The following PPP3CA variants were observed in gnomAD, a reference collection of about 807,000 sequenced individuals.
The protein encoded by PPP3CA is protein phosphatase 3 catalytic subunit alpha.
Under a neutral mutation model 66.5 loss-of-function variants are expected in PPP3CA, and 14 were observed. The ratio of observed to expected loss-of-function variants is 0.21; its 90% CI spans 0.14 to 0.33. The LOEUF (loss-of-function observed/expected upper bound fraction) is 0.33, where lower values mean the gene tolerates loss of function less well. Among genes scored for constraint, PPP3CA ranks in the 10% least tolerant of loss-of-function variants. The probability of loss-of-function intolerance (pLI) is 1.00; values close to 1 mark genes in which losing one functional copy is unlikely to be tolerated. For synonymous variants in PPP3CA, 232 were observed against 226.2 expected (o/e 1.03, Z -0.23); for missense variants, 317 against 639.5 (o/e 0.50, Z 5.44).
chr4:101,322,507 T>G (rs1729071774), intron 1 of PPP3CA, among the ~76,000 whole-genome samples: 1 of 149,498 alleles, frequency 6.7e-6, no homozygotes, highest in South Asian at 2.1e-4. Context: ...GCCTCCCGGG[T>G]TCAAGCGATT....
intron 2 of PPP3CA, among the ~76,000 whole-genome samples, chr4:101,113,145 T>C (rs1036173261): frequency 7.9e-5 from 12 of 152,122 alleles, no homozygotes; most frequent in African/African-American, 2.9e-4. Flanking sequence ...GTGCAGCAAG[T>C]CTGGGGTAGA....
At chr4:101,154,286 T>C (rs1242236073) in intron 2 of PPP3CA, among the ~76,000 whole-genome samples, 1 of 152,206 alleles carries the variant, frequency 6.6e-6, no homozygotes, top group African/African-American at 2.4e-5. Context: ...TCAGGTATTC[T>C]ACCAGTGAAT....
At position 101,118,956 on chromosome 4, in the gene PPP3CA, ATT is replaced by A. The variant is rs201507463; in HGVS notation, c.260-9880_260-9879del. 2.2e-3 allele frequency among the ~76,000 whole-genome samples: 286 copies of A among 129,900 alleles called. 1 individual carries two copies. The Middle Eastern group carries it at 0.032, about 15-fold the overall frequency. The allele number at this position is 129,900 out of a possible 152,430, so 85.2% of individuals were successfully genotyped here. A position where few individuals can be genotyped will look rare whatever the true frequency, so the allele number is the denominator to read the frequency against. ...CTATAAGGAGACTCAGAACTTACAG[ATT>A]TTTTTTTTTTTTTTTTTTTTTAAAC... On this transcript the variant is annotated intron_variant, in intron 2 of 13. Coordinates refer to ENST00000394854, the MANE Select transcript of PPP3CA (RefSeq NM_000944.5).
At chr4:101,078,130 A>C (rs147132940) in intron 8 of PPP3CA, among the ~76,000 whole-genome samples, 51 of 152,284 alleles carry the variant, frequency 3.3e-4, no homozygotes, top group African/African-American at 1.2e-3. Context: ...TCAGTTTAAT[A>C]GTAAAAAATC....
chr4:101,280,821 A>AAG (rs1727657687), intron 1 of PPP3CA, among the ~76,000 whole-genome samples: 1 of 149,028 alleles, frequency 6.7e-6, no homozygotes, highest in African/African-American at 2.4e-5. Flanking sequence ...CTCAGTCTCA[A>AAG]AAAAAAAAAA....
intron 1 of PPP3CA, among the ~76,000 whole-genome samples, chr4:101,336,056 C>T (rs559985786): frequency 6.6e-6 from 1 of 151,034 alleles, no homozygotes; most frequent in East Asian, 2.0e-4. Flanking sequence ...AATACACACA[C>T]ACACAAAAAT....
At chr4:101,240,028 T>G (rs1043835495) in intron 1 of PPP3CA, among the ~76,000 whole-genome samples, 3 of 137,100 alleles carry the variant, frequency 2.2e-5, no homozygotes, top group African/African-American at 8.6e-5. Flanking sequence ...TTAATTTTTT[T>G]GGTTTTTTTT....
At chr4:101,330,813 A>G (rs1328348233) in intron 1 of PPP3CA, among the ~76,000 whole-genome samples, 1 of 152,174 alleles carries the variant, frequency 6.6e-6, no homozygotes, top group Non-Finnish European at 1.5e-5. Context: ...CCTAGGGGAA[A>G]AACTTAAGGT....
chr4:101,278,122 T>TAAAAAAAAAAAAAAAAAAAAAAAAAAA (rs3077992), intron 1 of PPP3CA, among the ~76,000 whole-genome samples: 17 of 112,150 alleles, frequency 1.5e-4, no homozygotes, highest in African/African-American at 6.6e-4. Flanking sequence ...AAGCTATTAG[T>TAAAAAAAAAAAAAAAAAAAAAAAAAAA]AAAAAAAAAA....
At chr4:101,214,328 G>A (rs1441558890) in intron 1 of PPP3CA, among the ~76,000 whole-genome samples, 1 of 151,940 alleles carries the variant, frequency 6.6e-6, no homozygotes, top group East Asian at 1.9e-4. Flanking sequence ...AGCACAAAGT[G>A]GTTGTGAGGA....
intron 1 of PPP3CA, among the ~76,000 whole-genome samples, chr4:101,329,933 T>G (rs1285664319): frequency 1.3e-5 from 2 of 152,144 alleles, no homozygotes; most frequent in Admixed American, 1.3e-4. Flanking sequence ...GCTCTGATCT[T>G]GTACACAGCA....
chr4:101,288,754 G>A (rs77003323), intron 1 of PPP3CA, among the ~76,000 whole-genome samples: 6,327 of 152,208 alleles, frequency 0.042, 329 homozygotes, highest in African/African-American at 0.13. Flanking sequence ...AAGCAGCTGT[G>A]TAAATATTTT....
chr4:101,095,535 A>C (rs1014966476), intron 5 of PPP3CA, among the ~76,000 whole-genome samples: 3 of 152,244 alleles, frequency 2.0e-5, no homozygotes, highest in Non-Finnish European at 4.4e-5. Flanking sequence ...CCTGGGAAGT[A>C]AGTCCTAGGG....
chr4:101,151,985 A>T (rs1723158781), intron 2 of PPP3CA, among the ~76,000 whole-genome samples: 1 of 152,100 alleles, frequency 6.6e-6, no homozygotes, highest in East Asian at 1.9e-4. Flanking sequence ...ACATATGCAA[A>T]TATTTTATTA....
At chr4:101,226,879 A>G (rs2110219296) in intron 1 of PPP3CA, among the ~76,000 whole-genome samples, 1 of 151,848 alleles carries the variant, frequency 6.6e-6, no homozygotes, top group South Asian at 2.1e-4. Flanking sequence ...TATCACTTCA[A>G]GCAGAGAAAA....
intron 1 of PPP3CA, among the ~76,000 whole-genome samples, chr4:101,305,494 TAGA>T (rs1385097550): frequency 6.6e-6 from 1 of 152,206 alleles, no homozygotes; most frequent in East Asian, 1.9e-4. Context: ...TAAAGTTTTC[TAGA>T]AAACTGAAAA....
At chr4:101,321,880 G>A (rs767641122) in intron 1 of PPP3CA, among the ~76,000 whole-genome samples, 10 of 152,124 alleles carry the variant, frequency 6.6e-5, no homozygotes, top group African/African-American at 1.7e-4. Context: ...AAAACAAGCC[G>A]ACCAAAAAGG....
At chr4:101,026,140 T>C in intron 13 of PPP3CA, 79 bp from the exon 14 acceptor site, 1 of 1,255,094 alleles carries the variant, frequency 8.0e-7, no homozygotes, top group East Asian at 2.4e-5. Flanking sequence ...CAGCAGGTGA[T>C]GTTAGAGATT....
chr4:101,279,378 G>A (rs1432017992), intron 1 of PPP3CA, among the ~76,000 whole-genome samples: 1 of 152,118 alleles, frequency 6.6e-6, no homozygotes, highest in Non-Finnish European at 1.5e-5. Context: ...GCAGGAGAAA[G>A]GCTGCAGGAG....
Sources: gnomAD v4.1 joint callset for allele counts (sites outside exome capture counted in the v4.1 genomes callset) on GRCh38, gnomAD v4.1.1 for gene constraint, MANE v1.5 for transcripts, NCBI Gene and HGNC (gene_info 2026-07-23, HGNC 2026-07-21) for gene names.